TK2: variants seen among roughly 807,000 people sequenced by gnomAD.
TK2 encodes the protein thymidine kinase 2, also known as thymidine kinase 2, mitochondrial.
Under a neutral mutation model 41.9 loss-of-function variants are expected in TK2, and 35 were observed. The observed-to-expected ratio is 0.84, with a 90% confidence interval of 0.64 to 1.11. The LOEUF is 1.11. Ranked by LOEUF, TK2 falls within the 50% of genes least tolerant of loss-of-function variation. The pLI, the probability that TK2 is intolerant of heterozygous loss-of-function variation, is 0.00. For synonymous variants in TK2, 128 were observed against 129.1 expected, an observed-to-expected ratio of 0.99 and a Z score of 0.06; for missense variants, 320 against 351.1, an observed-to-expected ratio of 0.91 and a Z score of 0.71.
intron 2 of TK2, chr16:66,548,209 A>C: frequency 5.3e-6 from 2 of 378,500 alleles, no homozygotes; most frequent in Middle Eastern, 3.7e-4. Flanking sequence ...AATCCTCTCT[A>C]TGTGGTTTCA....
At chr16:66,548,593 C>T (rs1965679979) in intron 2 of TK2, 1 of 256,158 alleles carries the variant, frequency 3.9e-6, no homozygotes, top group African/African-American at 2.3e-5. Flanking sequence ...CCACCAGTCT[C>T]AACACTGGGG....
At chr16:66,545,477 A>G (rs1204562498) in intron 2 of TK2, among the ~76,000 whole-genome samples, 1 of 152,260 alleles carries the variant, frequency 6.6e-6, no homozygotes, top group Non-Finnish European at 1.5e-5. Flanking sequence ...CTATTCAGCT[A>G]TAGGAAAAAA....
At position 66,510,911 on chromosome 16, in the gene TK2, G is replaced by A. The variant is rs935132863; in HGVS notation, c.*1057C>T. ...TTCTGAGCCAACAAAGATGATTTCAGGCTCTATGGCTCGAGGCATTTCCCT... is the reference window on the plus strand; with the variant it reads ...TTCTGAGCCAACAAAGATGATTTCAAGCTCTATGGCTCGAGGCATTTCCCT... On this transcript the variant is annotated 3_prime_UTR_variant, in exon 10 of 10. Transcript: ENST00000544898. 6.6e-6 allele frequency: 1 copy of A among 152,184 alleles called. No homozygotes were observed. The highest frequency in any genetic ancestry group is 1.5e-5 in the Non-Finnish European group (1 of 68,038). 9.4% of individuals were successfully genotyped at this position (152,184 alleles called of 1,614,324 possible).
In TK2 at chr16:66,523,826, C is replaced by CA. The variant is rs1454875739; in HGVS notation, c.449+5167dup. Among the ~76,000 whole-genome samples, 11 of 151,840 alleles carry CA rather than the reference C, an allele frequency of 7.2e-5. No homozygotes were observed. The East Asian group carries it at 2.1e-3, about 29-fold the overall frequency. On this transcript the variant is annotated intron_variant, in intron 6 of 9. Coordinates refer to ENST00000544898, the MANE Select transcript of TK2 (RefSeq NM_004614.5). ...TGAGCAACAGAGCAAGATTCTGTCT[C>CA]AAAATCAAAAAAACAAAAAACAAAA...
chr16:66,549,171 G>C, intron 1 of TK2, 162 bp from the exon 2 acceptor site: 1 of 1,487,306 alleles, frequency 6.7e-7, no homozygotes, highest in Non-Finnish European at 8.9e-7. Flanking sequence ...GCGCACCACC[G>C]TCTCGCCGAT....
intron 4 of TK2, among the ~76,000 whole-genome samples, chr16:66,531,975 A>C (rs1030153686): frequency 6.6e-6 from 1 of 152,074 alleles, no homozygotes; most frequent in Non-Finnish European, 1.5e-5. Flanking sequence ...GGAGGAAGGG[A>C]GGGGGCAAAG....
rs1420597703 is a variant in TK2, at chr16:66,531,486, A to G, written c.286-17T>C. ...CATCAGGCCCTGCAGAAGGGAAAAC[A>G]CAGCACTTTCCATCAAAGTGGCATC... On this transcript the variant is annotated splice_polypyrimidine_tract_variant and intron_variant, in intron 4 of 9. Coordinates refer to ENST00000544898, the MANE Select transcript of TK2 (RefSeq NM_004614.5). 6.2e-7 allele frequency: 1 copy of G among 1,613,472 alleles called. No individual in the cohort carries two copies. The highest frequency in any genetic ancestry group is 1.1e-5 in the South Asian group (1 of 91,060).
In TK2 at chr16:66,514,680, G is replaced by A. The variant is rs1445587729; in HGVS notation, c.619-869C>T. Among the ~76,000 whole-genome samples, 2 of 152,182 alleles carry A rather than the reference G, an allele frequency of 1.3e-5. No individual in the cohort carries two copies. Among genetic ancestry groups the A allele is most frequent in the Non-Finnish European group, 2.9e-5 (2 of 68,024 alleles). On this transcript the variant is annotated intron_variant, in intron 8 of 9. Coordinates refer to ENST00000544898, the MANE Select transcript of TK2 (RefSeq NM_004614.5). The surrounding 1 kb of genome is among the most constrained non-coding windows in gnomAD (Gnocchi z 4.2). ...CCCCGTCTGGGAGGTGTACCCAATAGCTCATTGAGAACGGGCCATGATGAC... is the reference window on the plus strand; with the variant it reads ...CCCCGTCTGGGAGGTGTACCCAATAACTCATTGAGAACGGGCCATGATGAC...
chr16:66,516,633 G>C (rs1964623099), intron 8 of TK2, among the ~76,000 whole-genome samples: 1 of 152,138 alleles, frequency 6.6e-6, no homozygotes, highest in Non-Finnish European at 1.5e-5. Context: ...AGTCAGTGTG[G>C]CCTGAGCAGA....
At chr16:66,529,545 G>A (rs1490903824) in intron 5 of TK2, among the ~76,000 whole-genome samples, 1 of 152,228 alleles carries the variant, frequency 6.6e-6, no homozygotes, top group African/African-American at 2.4e-5. Context: ...TGGGGGCTCT[G>A]CCCAAGGAAA....
rs973247952 is a variant in TK2, at chr16:66,545,516, A to G, written c.156+3462T>C. On this transcript the variant is annotated intron_variant, in intron 2 of 9. Transcript: ENST00000544898. ...CATACTAATACGTGCTACAAGGCAG[A>G]TGCATGTCAAAATATTATGCTAAGC... 2.6e-5 allele frequency among the ~76,000 whole-genome samples: 4 copies of G among 152,222 alleles called. No individual in the cohort carries two copies. The East Asian group carries it at 7.7e-4, about 29-fold the overall frequency.
intron 2 of TK2, 172 bp downstream of exon 2, chr16:66,548,806 T>C (rs956903489): frequency 9.6e-5 from 63 of 653,098 alleles, no homozygotes; most frequent in Non-Finnish European, 1.5e-4. Flanking sequence ...TACAAGAAAT[T>C]GGTAACAGAG....
intron 2 of TK2, among the ~76,000 whole-genome samples, chr16:66,544,916 G>A (rs141735317): frequency 6.7e-4 from 102 of 151,902 alleles, no homozygotes; most frequent in African/African-American, 2.4e-3. Flanking sequence ...GTGAAACCCC[G>A]TCTCTACTAA....
chr16:66,523,603 C>T (rs1003815061), intron 6 of TK2, among the ~76,000 whole-genome samples: 10 of 152,044 alleles, frequency 6.6e-5, no homozygotes, highest in African/African-American at 2.2e-4. Flanking sequence ...CTGAGGCAGG[C>T]AGATCACTTG....
rs773656250 is a variant in TK2, at chr16:66,550,067, G to A, written c.-6C>T. The A allele has an allele frequency of 8.2e-6, 13 of 1,589,588 alleles. No individual in the cohort carries two copies. In the South Asian group the frequency reaches 9.1e-5, roughly 11 times the overall value. On this transcript the variant is annotated 5_prime_UTR_variant, in exon 1 of 10. Transcript: ENST00000544898. ...CGCAGCGGCCACAGCAGCATAGCCG[G>A]GCGAGCGGATCCAGAGGCCCGGGGT...
chr16:66,532,221 T>C (rs1199569648), intron 4 of TK2, among the ~76,000 whole-genome samples: 1 of 146,372 alleles, frequency 6.8e-6, no homozygotes, highest in African/African-American at 2.5e-5. Context: ...CAAATCAACA[T>C]ATAAAAATCA....
At chr16:66,534,201 C>A (rs1462593982) in intron 4 of TK2, among the ~76,000 whole-genome samples, 1 of 152,076 alleles carries the variant, frequency 6.6e-6, no homozygotes, top group Non-Finnish European at 1.5e-5. Flanking sequence ...TCTGAAGAGT[C>A]CCCACTAGCA....
At chr16:66,516,276 G>A (rs142402746) in intron 8 of TK2, among the ~76,000 whole-genome samples, 7 of 152,344 alleles carry the variant, frequency 4.6e-5, no homozygotes, top group African/African-American at 1.2e-4. Flanking sequence ...CAAAGGAAAC[G>A]ACTGTGCAAA....
chr16:66,520,907 A>G (rs1396270465), intron 6 of TK2, among the ~76,000 whole-genome samples: 1 of 152,248 alleles, frequency 6.6e-6, no homozygotes, highest in African/African-American at 2.4e-5. Flanking sequence ...ATGTGCAATG[A>G]GGAAGCTGCT....
Sources: gnomAD v4.1 joint callset for allele counts (sites outside exome capture counted in the v4.1 genomes callset) on GRCh38, gnomAD v4.1.1 for gene constraint, Gnocchi (gnomAD v3.1) non-coding constraint, MANE v1.5 for transcripts, NCBI Gene and HGNC (gene_info 2026-07-23, HGNC 2026-07-21) for gene names.